GLDN: variants seen among roughly 807,000 people sequenced by gnomAD.
The protein encoded by GLDN is gliomedin, also known as collomin.
GLDN carries 47 observed loss-of-function variants against 56.5 expected under a neutral mutation model. The ratio of observed to expected loss-of-function variants is 0.83; its 90% CI spans 0.66 to 1.06. GLDN has a LOEUF of 1.06. Among genes scored for constraint, GLDN ranks in the 50% least tolerant of loss-of-function variants. The probability of loss-of-function intolerance (pLI) is 0.00; values close to 1 mark genes in which losing one functional copy is unlikely to be tolerated. For synonymous variants in GLDN, 332 were observed against 278.8 expected, an observed-to-expected ratio of 1.19 and a Z score of -1.90; for missense variants, 782 against 714.3, an observed-to-expected ratio of 1.09 and a Z score of -1.08.
intron 1 of GLDN, among the ~76,000 whole-genome samples, chr15:51,351,710 G>A (rs1045383877): frequency 6.6e-6 from 1 of 152,094 alleles, no homozygotes; most frequent in Non-Finnish European, 1.5e-5. Context: ...AAGCAACCTG[G>A]GATCTTTCTT....
rs950952230 is a variant in GLDN, at chr15:51,395,093, C to T, written c.688+112C>T. The T allele has an allele frequency of 5.4e-6, 6 of 1,103,884 alleles. No homozygotes were observed. In the African/African-American group the frequency reaches 9.7e-5, roughly 18 times the overall value. 68.4% of individuals were successfully genotyped at this position (1,103,884 alleles called of 1,614,324 possible). ...TTCTCTCCTTTATGGCCTTATGTGG[C>T]CATCTGTTTTGCAGCATGTTTTGGA... On this transcript the variant is annotated intron_variant, in intron 5 of 9. Transcript: ENST00000335449.
At chr15:51,392,040 G>A (rs1595833780) in intron 4 of GLDN, among the ~76,000 whole-genome samples, 1 of 152,212 alleles carries the variant, frequency 6.6e-6, no homozygotes, top group African/African-American at 2.4e-5. Context: ...GCTTTTCCAT[G>A]CACTGCTGTC....
At chr15:51,403,809 C>T (rs184809405) in intron 9 of GLDN, among the ~76,000 whole-genome samples, 36 of 152,302 alleles carry the variant, frequency 2.4e-4, no homozygotes, top group African/African-American at 8.2e-4. Flanking sequence ...CAACCTCTGG[C>T]TCTGCCTCTT....
intron 1 of GLDN, among the ~76,000 whole-genome samples, chr15:51,351,592 G>T (rs2037077758): frequency 6.6e-6 from 1 of 152,152 alleles, no homozygotes; most frequent in Non-Finnish European, 1.5e-5. Flanking sequence ...CCAAGGGCTG[G>T]TTCATCCTTC....
At chr15:51,388,636 G>T (rs2037950530) in intron 4 of GLDN, among the ~76,000 whole-genome samples, 1 of 152,208 alleles carries the variant, frequency 6.6e-6, no homozygotes, top group South Asian at 2.1e-4. Flanking sequence ...TGAATGACTG[G>T]ATATAACTTG....
At chr15:51,375,734 T>G (rs2037615883) in intron 1 of GLDN, among the ~76,000 whole-genome samples, 1 of 152,218 alleles carries the variant, frequency 6.6e-6, no homozygotes, top group Non-Finnish European at 1.5e-5. Context: ...AGGGGCAGTT[T>G]CCACGTGCCA....
chr15:51,400,631 T>C (rs911347827), intron 8 of GLDN, 133 bp downstream of exon 8: 6 of 1,022,138 alleles, frequency 5.9e-6, no homozygotes, highest in African/African-American at 1.6e-5. Flanking sequence ...CTCTTTATTT[T>C]AGAAAGACCA....
chr15:51,344,137 G>A (rs1595797051), intron 1 of GLDN, among the ~76,000 whole-genome samples: 1 of 152,180 alleles, frequency 6.6e-6, no homozygotes. Context: ...ACCACATTTT[G>A]AGTAGTAAGG....
At chr15:51,361,721 G>A (rs1384306156) in intron 1 of GLDN, among the ~76,000 whole-genome samples, 2 of 152,180 alleles carry the variant, frequency 1.3e-5, no homozygotes, top group African/African-American at 4.8e-5. Flanking sequence ...AAAAACCAAA[G>A]CAAATAAGTA....
At chr15:51,347,646 A>G (rs1487391498) in intron 1 of GLDN, among the ~76,000 whole-genome samples, 2 of 152,258 alleles carry the variant, frequency 1.3e-5, no homozygotes, top group African/African-American at 4.8e-5. Flanking sequence ...GATGGAACCC[A>G]TACAGAAGGC....
chr15:51,341,768 G>A lies in GLDN; in HGVS notation c.84G>A (p.Ala28=). 3 of 1,492,044 alleles carry A rather than the reference G, an allele frequency of 2.0e-6. No homozygotes were observed. The highest frequency in any genetic ancestry group is 1.5e-5 in the African/African-American group (1 of 68,544). 92.4% of individuals were successfully genotyped at this position (1,492,044 alleles called of 1,614,324 possible). A position where few individuals can be genotyped will look rare whatever the true frequency, so the allele number is the denominator to read the frequency against. Residue 28 remains alanine (A), a synonymous_variant, in exon 1 of 10, where the codon GCG becomes GCA. Transcript: ENST00000335449. ...GALAAVALLS[A]LNAAGTVFAL... is the part of the protein sequence containing the mutation. Reference sequence around the variant, plus strand: ...TGGCGGCCGTGGCGCTGCTCTCGGCGCTCAACGCTGCGGGCACGGTGTTCG... The same window carrying A: ...TGGCGGCCGTGGCGCTGCTCTCGGCACTCAACGCTGCGGGCACGGTGTTCG...
In GLDN at chr15:51,405,233, T is replaced by G. The variant is rs981650053; in HGVS notation, c.*479T>G. 3 of 160,484 alleles carry G rather than the reference T, an allele frequency of 1.9e-5. No individual in the cohort carries two copies. Among genetic ancestry groups the G allele is most frequent in the African/African-American group, 7.2e-5 (3 of 41,504 alleles). The allele number at this position is 160,484 out of a possible 1,614,324, so 9.9% of individuals were successfully genotyped here. On this transcript the variant is annotated 3_prime_UTR_variant, in exon 10 of 10. Coordinates refer to ENST00000335449, the MANE Select transcript of GLDN (RefSeq NM_181789.4). ...GTTCTTTGAAAAAATGCATTGACTC[T>G]TTAAGACATCTAAAGTATCACATTA...
chr15:51,397,582 C>A lies in GLDN; in HGVS notation c.801C>A (p.Phe267Leu). The A allele has an allele frequency of 6.3e-7, 1 of 1,597,996 alleles. No homozygotes were observed. Among genetic ancestry groups the A allele is most frequent in the South Asian group, 1.1e-5 (1 of 88,696 alleles). ...AAGGCCCTCGGCAGCCAAGCATGTTCAACGGCCAGTGCCCAGGTCACCACC... is the reference window on the plus strand; with the variant it reads ...AAGGCCCTCGGCAGCCAAGCATGTTAAACGGCCAGTGCCCAGGTCACCACC... The part of the protein sequence containing the change: ...RAKGPRQPSM[F>L]NGQCPGETCA... Residue 267 changes from phenylalanine to leucine, a missense_variant, in exon 6 of 10, where the codon TTC (phenylalanine) becomes TTA (leucine). Physicochemically the swap from Phe to Leu is conservative, Grantham distance 22. Transcript: ENST00000335449.
At chr15:51,401,282 G>A (rs1213646858) in intron 8 of GLDN, among the ~76,000 whole-genome samples, 4 of 152,236 alleles carry the variant, frequency 2.6e-5, no homozygotes, top group Non-Finnish European at 4.4e-5. Flanking sequence ...TGCTATTCCT[G>A]TTGAAGGCCT....
At chr15:51,358,792 A>C (rs191574481) in intron 1 of GLDN, among the ~76,000 whole-genome samples, 2 of 152,274 alleles carry the variant, frequency 1.3e-5, no homozygotes, top group African/African-American at 2.4e-5. Flanking sequence ...GAAGTGACTT[A>C]TATTTTTCTG....
chr15:51,373,085 C>T (rs7178699), intron 1 of GLDN, among the ~76,000 whole-genome samples: 17,734 of 152,210 alleles, frequency 0.12, 1,964 homozygotes, highest in African/African-American at 0.29. Flanking sequence ...ATGTTTCCAA[C>T]ACATGCATTT....
intron 9 of GLDN, among the ~76,000 whole-genome samples, chr15:51,403,520 C>T (rs1297568521): frequency 1.3e-5 from 2 of 152,142 alleles, no homozygotes; most frequent in African/African-American, 4.8e-5. Flanking sequence ...GAGTTACGTA[C>T]CTTTTGAATT....
chr15:51,409,683 C>T (rs982202009), downstream of GLDN, among the ~76,000 whole-genome samples: 2 of 152,154 alleles, frequency 1.3e-5, no homozygotes, highest in Non-Finnish European at 2.9e-5. Context: ...CTGGATGGGA[C>T]CCCTACAGAA....
chr15:51,396,219 G>A (rs1340760296), intron 5 of GLDN, among the ~76,000 whole-genome samples: 1 of 152,202 alleles, frequency 6.6e-6, no homozygotes, highest in Non-Finnish European at 1.5e-5. Flanking sequence ...GATGGGCCAG[G>A]GGCGCAGATG....
Sources: allele counts gnomAD v4.1 joint callset (sites outside exome capture counted in the v4.1 genomes callset), GRCh38; gene constraint gnomAD v4.1.1; transcripts MANE v1.5; gene names NCBI Gene and HGNC (gene_info 2026-07-23, HGNC 2026-07-21).